The following NEDD8 variants were observed in gnomAD, a reference collection of about 807,000 sequenced individuals.
NEDD8 encodes the protein ubiquitin-like protein NEDD8.
NEDD8 carries 1 observed loss-of-function variant against 13.8 expected under a neutral mutation model. The ratio of observed to expected loss-of-function variants is 0.07; its 90% CI spans 0.03 to 0.34. The LOEUF (loss-of-function observed/expected upper bound fraction) is 0.34, where lower values mean the gene tolerates loss of function less well. Ranked by LOEUF, NEDD8 falls within the 10% of genes least tolerant of loss-of-function variation. The pLI is 0.99. For missense variants in NEDD8, 10 were observed against 95.2 expected (o/e 0.10, Z 3.73); for synonymous variants, 31 against 33.2 (o/e 0.93, Z 0.23).
chr14:24,224,285 A>G (rs896034489), intron 1 of NEDD8, among the ~76,000 whole-genome samples: 1 of 151,682 alleles, frequency 6.6e-6, no homozygotes, highest in Non-Finnish European at 1.5e-5. Context: ...GCTGGTCTCG[A>G]ACTCCTGACC....
At chr14:24,220,131 A>G (rs189466354) in intron 1 of NEDD8, among the ~76,000 whole-genome samples, 8 of 152,306 alleles carry the variant, frequency 5.3e-5, no homozygotes, top group African/African-American at 1.9e-4. Context: ...AACCTCCTGT[A>G]TGATGTGTAG....
chr14:24,226,667 T>C (rs1280963472), intron 1 of NEDD8: 2 of 152,100 alleles, frequency 1.3e-5, no homozygotes, highest in African/African-American at 4.8e-5. Flanking sequence ...AAAATAAAAA[T>C]GACTGACATC....
At position 24,232,129 on chromosome 14, in the gene NEDD8, C is replaced by G. The variant is rs2040051286; in HGVS notation, c.18+121G>C. 3.3e-6 allele frequency: 5 copies of G among 1,527,064 alleles called. No homozygotes were observed. In the South Asian group the frequency reaches 3.6e-5, roughly 11 times the overall value. 94.6% of individuals were successfully genotyped at this position (1,527,064 alleles called of 1,614,324 possible). A position where few individuals can be genotyped will look rare whatever the true frequency, so the allele number is the denominator to read the frequency against. ...TTCCCACCACCCCTCGCGCGGAGCCCTGAGGCAGTCAGCGTCCTCCAGGCT... is the reference window on the plus strand; with the variant it reads ...TTCCCACCACCCCTCGCGCGGAGCCGTGAGGCAGTCAGCGTCCTCCAGGCT... On this transcript the variant is annotated intron_variant, in intron 1 of 3. Coordinates refer to ENST00000250495, the MANE Select transcript of NEDD8 (RefSeq NM_006156.3).
rs943365637 is a variant in NEDD8 at position 24,216,895 on chromosome 14, A to C, written c.*232T>G. On this transcript the variant is annotated 3_prime_UTR_variant, in exon 4 of 4. Transcript: ENST00000250495. ...GGAAATATTTTATTGACAACCAGGGACACAGTCATAAGAGAGGGAAGCACA... is the reference window on the plus strand; with the variant it reads ...GGAAATATTTTATTGACAACCAGGGCCACAGTCATAAGAGAGGGAAGCACA... 6.2e-6 allele frequency: 3 copies of C among 481,618 alleles called. No homozygotes were observed. The highest frequency in any genetic ancestry group is 5.9e-5 in the African/African-American group (3 of 50,922). 29.8% of individuals were successfully genotyped at this position (481,618 alleles called of 1,614,324 possible). A position where few individuals can be genotyped will look rare whatever the true frequency, so the allele number is the denominator to read the frequency against.
At chr14:24,232,119 G>A in intron 1 of NEDD8, 131 bp downstream of exon 1, 3 of 1,434,708 alleles carry the variant, frequency 2.1e-6, no homozygotes, top group South Asian at 1.3e-5. Context: ...ACCACCCCTC[G>A]CGCGGAGCCC....
intron 1 of NEDD8, 72 bp from the exon 2 acceptor site, chr14:24,218,503 T>C (rs1446999534): frequency 9.3e-6 from 15 of 1,609,356 alleles, no homozygotes; most frequent in East Asian, 4.5e-5. Flanking sequence ...AAACATCCTA[T>C]GTTGGTCTTT....
rs1212169243 is a variant in NEDD8, at chr14:24,232,190, G to GT, written c.18+59dup. 11 of 1,612,300 alleles carry GT rather than the reference G, an allele frequency of 6.8e-6. No individual in the cohort carries two copies. The Admixed American group carries it at 8.4e-5, about 12-fold the overall frequency. ...GTGGTTTTCCTTCCCCACGTCTCCCGTAAGGCACTGCTGCCAGCCCAGTAC... is the reference window on the plus strand; with the variant it reads ...GTGGTTTTCCTTCCCCACGTCTCCCGTTAAGGCACTGCTGCCAGCCCAGTAC... On this transcript the variant is annotated intron_variant, in intron 1 of 3. Coordinates refer to ENST00000250495, the MANE Select transcript of NEDD8 (RefSeq NM_006156.3).
chr14:24,226,122 G>A (rs2039886723), intron 1 of NEDD8, among the ~76,000 whole-genome samples: 1 of 151,638 alleles, frequency 6.6e-6, no homozygotes, highest in African/African-American at 2.4e-5. Flanking sequence ...ATCCAGCCCT[G>A]CCAACAATCT....
At chr14:24,225,063 G>A (rs927544191) in intron 1 of NEDD8, among the ~76,000 whole-genome samples, 1 of 151,592 alleles carries the variant, frequency 6.6e-6, no homozygotes, top group African/African-American at 2.4e-5. Flanking sequence ...AGAGGCTGAG[G>A]CACGAGAATA....
chr14:24,231,958 G>A, intron 1 of NEDD8: 3 of 412,926 alleles, frequency 7.3e-6, no homozygotes, highest in Non-Finnish European at 8.7e-6. Flanking sequence ...ATGACTGCGG[G>A]GGTTCGAATA....
At chr14:24,230,205 T>G (rs2039968036) in intron 1 of NEDD8, among the ~76,000 whole-genome samples, 3 of 102,068 alleles carry the variant, frequency 2.9e-5, no homozygotes, top group African/African-American at 4.0e-5. Flanking sequence ...GGCAACAGAG[T>G]GAGACTCTGT....
intron 1 of NEDD8, chr14:24,231,744 G>C (rs1289362054): frequency 1.9e-5 from 3 of 154,624 alleles, no homozygotes; most frequent in African/African-American, 7.2e-5. Flanking sequence ...GTTCCTGTAG[G>C]ACGGGTGAGA....
chr14:24,219,475 C>CAAAAAAAAAAAAAAAAAAA (rs59964484), intron 1 of NEDD8, among the ~76,000 whole-genome samples: 6 of 33,372 alleles, frequency 1.8e-4, no homozygotes, highest in East Asian at 8.4e-4. Flanking sequence ...AACACCCTCG[C>CAAAAAAAAAAAAAAAAAAA]AAAAAAAAAA....
chr14:24,232,083 A>T, intron 1 of NEDD8, 167 bp downstream of exon 1: 1 of 1,071,112 alleles, frequency 9.3e-7, no homozygotes, highest in Non-Finnish European at 1.3e-6. Flanking sequence ...CCGCTCTCAA[A>T]GCCCTTCTGG....
At chr14:24,219,966 C>G (rs1462428184) in intron 1 of NEDD8, among the ~76,000 whole-genome samples, 1 of 152,094 alleles carries the variant, frequency 6.6e-6, no homozygotes, top group Non-Finnish European at 1.5e-5. Context: ...ATGGAGAAAG[C>G]CTTCTCTATT....
At chr14:24,218,055 C>G in intron 3 of NEDD8, 78 bp downstream of exon 3, 1 of 1,579,564 alleles carries the variant, frequency 6.3e-7, no homozygotes. Context: ...CACCCCTGAT[C>G]CACCTCAGTA....
At chr14:24,224,432 G>A (rs139410289) in intron 1 of NEDD8, among the ~76,000 whole-genome samples, 249 of 152,318 alleles carry the variant, frequency 1.6e-3, no homozygotes, top group African/African-American at 5.8e-3. Context: ...CTGGCCTCAA[G>A]TGATCTTCCC....
At chr14:24,226,461 A>T (rs995758525) in intron 1 of NEDD8, 1 of 152,124 alleles carries the variant, frequency 6.6e-6, no homozygotes, top group Non-Finnish European at 1.5e-5. Context: ...AAAAAAAAAA[A>T]AATTAAAAAT....
chr14:24,217,289 G>C (rs2039720495), intron 3 of NEDD8, 66 bp from the exon 4 acceptor site: 3 of 1,295,576 alleles, frequency 2.3e-6, no homozygotes, highest in South Asian at 2.6e-5. Flanking sequence ...TGTTGTTGTT[G>C]TTGTTGTTGT....
Sources: gnomAD v4.1 joint callset for allele counts (sites outside exome capture counted in the v4.1 genomes callset) on GRCh38, gnomAD v4.1.1 for gene constraint, MANE v1.5 for transcripts, NCBI Gene and HGNC (gene_info 2026-07-23, HGNC 2026-07-21) for gene names.